Variants in MTMR8 observed in about 807,000 individuals in gnomAD.
MTMR8 encodes the protein phosphatidylinositol-3,5-bisphosphate 3-phosphatase MTMR8.
MTMR8 carries 65 observed loss-of-function variants against 39.3 expected under a neutral mutation model. The ratio of observed to expected loss-of-function variants is 1.65; its 90% CI spans 1.35 to 2.03. MTMR8 has a LOEUF of 2.03. Ranked by LOEUF, MTMR8 falls within the 30% of genes most tolerant of loss-of-function variation. MTMR8 has a pLI of 0.00. For missense variants in MTMR8, 777 were observed against 538.9 expected, an observed-to-expected ratio of 1.44 and a Z score of -4.37; for synonymous variants, 245 against 185.2, an observed-to-expected ratio of 1.32 and a Z score of -2.62.
At chrX:64,318,841 G>A (rs1042722361) in intron 12 of MTMR8, among the ~76,000 whole-genome samples, 1 of 109,108 alleles carries the variant, frequency 9.2e-6, no homozygotes, top group Non-Finnish European at 1.9e-5. Context: ...CCAAGTAGCT[G>A]GGGTTATTTT....
chrX:64,380,211 C>T (rs999006129), intron 1 of MTMR8, among the ~76,000 whole-genome samples: 7 of 112,596 alleles, frequency 6.2e-5, no homozygotes, highest in Admixed American at 9.4e-5. Context: ...TCTGACTTCA[C>T]TTTGTAAACC....
intron 1 of MTMR8, among the ~76,000 whole-genome samples, chrX:64,375,843 C>A (rs1924255332): frequency 8.9e-6 from 1 of 111,976 alleles, no homozygotes; most frequent in Non-Finnish European, 1.9e-5. Context: ...ACCCAAATCT[C>A]ATGTTGAATT....
intron 12 of MTMR8, among the ~76,000 whole-genome samples, chrX:64,284,658 G>A (rs921462733): frequency 1.8e-5 from 2 of 111,563 alleles, no homozygotes; most frequent in Non-Finnish European, 3.8e-5. Flanking sequence ...GAAGAGAGTG[G>A]GGGCCAATAT....
chrX:64,390,610 C>T (rs141143970), intron 1 of MTMR8, among the ~76,000 whole-genome samples: 204 of 111,705 alleles, frequency 1.8e-3, no homozygotes, highest in African/African-American at 6.5e-3. Context: ...TAATTAACTT[C>T]GTTATTAGCA....
intron 12 of MTMR8, among the ~76,000 whole-genome samples, chrX:64,292,070 G>T (rs1921416232): frequency 9.0e-6 from 1 of 111,673 alleles, no homozygotes; most frequent in African/African-American, 3.3e-5. Context: ...GTCCAGACTG[G>T]TGATATGTGA....
At chrX:64,340,643 G>C (rs1036973240) in intron 8 of MTMR8, among the ~76,000 whole-genome samples, 1 of 111,398 alleles carries the variant, frequency 9.0e-6, no homozygotes, top group Non-Finnish European at 1.9e-5. Context: ...AAAGAGATCT[G>C]GAAAAAAGTT....
chrX:64,303,988 A>C (rs927471195), intron 12 of MTMR8, among the ~76,000 whole-genome samples: 2 of 112,146 alleles, frequency 1.8e-5, no homozygotes, highest in African/African-American at 6.5e-5. Flanking sequence ...ACTGCAGCAC[A>C]GTCTGTTTTG....
At chrX:64,385,819 C>T (rs778448079) in intron 1 of MTMR8, among the ~76,000 whole-genome samples, 8 of 111,517 alleles carry the variant, frequency 7.2e-5, no homozygotes, top group Non-Finnish European at 1.5e-4. Context: ...CACTAGGCCC[C>T]GTCTTCAACA....
intron 12 of MTMR8, chrX:64,305,996 G>A (rs1002119635): frequency 2.1e-5 from 4 of 189,236 alleles, no homozygotes; most frequent in Admixed American, 1.2e-4. Flanking sequence ...CGCACTTGTG[G>A]TTCCAGCTAC....
chrX:64,390,958 C>A (rs1569235103), intron 1 of MTMR8, among the ~76,000 whole-genome samples: 1 of 112,366 alleles, frequency 8.9e-6, no homozygotes, highest in Non-Finnish European at 1.9e-5. Context: ...CAGGCCCAGA[C>A]AAATTCACTC....
intron 8 of MTMR8, among the ~76,000 whole-genome samples, chrX:64,341,845 G>A (rs1008506803): frequency 3.6e-5 from 4 of 111,841 alleles, no homozygotes; most frequent in African/African-American, 9.8e-5. Context: ...AAACTATGGG[G>A]AATGTTTACA....
intron 12 of MTMR8, among the ~76,000 whole-genome samples, chrX:64,324,738 C>T (rs1029919505): frequency 3.9e-5 from 4 of 103,096 alleles, no homozygotes; most frequent in African/African-American, 7.5e-5. Context: ...GGCCCTACCC[C>T]TATCTCCCTT....
chrX:64,285,268 G>A (rs1482055314), intron 12 of MTMR8, among the ~76,000 whole-genome samples: 1 of 111,743 alleles, frequency 8.9e-6, no homozygotes, highest in Non-Finnish European at 1.9e-5. Flanking sequence ...AACAAGAAGA[G>A]CTAACTATCC....
At chrX:64,337,177 CTG>C in intron 9 of MTMR8, 89 bp downstream of exon 9, 9 of 1,035,928 alleles carry the variant, frequency 8.7e-6, no homozygotes, top group Non-Finnish European at 1.2e-5. Flanking sequence ...AGAGCTAACT[CTG>C]GCAAAAAAAA....
intron 12 of MTMR8, among the ~76,000 whole-genome samples, chrX:64,300,444 T>A (rs1394293457): frequency 9.0e-6 from 1 of 111,099 alleles, no homozygotes; most frequent in Admixed American, 9.6e-5. Flanking sequence ...GCTTCCTCCA[T>A]CCTTTTATTT....
intron 12 of MTMR8, 132 bp downstream of exon 12, chrX:64,328,640 G>A (rs1315297946): frequency 1.4e-5 from 8 of 558,713 alleles, no homozygotes; most frequent in Admixed American, 5.3e-5. Flanking sequence ...GCAATGTATG[G>A]GTGATATGAG....
intron 9 of MTMR8, 63 bp downstream of exon 9, chrX:64,337,205 A>AT: frequency 8.9e-7 from 1 of 1,124,583 alleles, no homozygotes; most frequent in Non-Finnish European, 1.2e-6. Context: ...TTTGACAGTT[A>AT]TTTTTTATTT....
intron 1 of MTMR8, among the ~76,000 whole-genome samples, chrX:64,380,430 G>A (rs1602157157): frequency 8.9e-6 from 1 of 112,522 alleles, no homozygotes; most frequent in South Asian, 3.7e-4. Context: ...CACCCTCAAA[G>A]GTTAACTTAA....
At chrX:64,296,905 T>C (rs1921620349) in intron 12 of MTMR8, among the ~76,000 whole-genome samples, 1 of 103,620 alleles carries the variant, frequency 9.7e-6, no homozygotes, top group Non-Finnish European at 2.0e-5. Flanking sequence ...ACAAAGGACA[T>C]GAACTCATCA....
Sources: gnomAD v4.1 joint callset for allele counts (sites outside exome capture counted in the v4.1 genomes callset) on GRCh38, gnomAD v4.1.1 for gene constraint, MANE v1.5 for transcripts, NCBI Gene and HGNC (gene_info 2026-07-23, HGNC 2026-07-21) for gene names.